IRAG2: variants seen among roughly 807,000 people sequenced by gnomAD.
IRAG2 encodes inositol 1,4,5-triphosphate receptor associated 2.
A neutral mutation model predicts 69.9 loss-of-function variants in IRAG2; 45 were observed. That is an observed-to-expected ratio of 0.64 (90% confidence interval 0.51 to 0.83). The LOEUF (loss-of-function observed/expected upper bound fraction) is 0.83, where lower values mean the gene tolerates loss of function less well. IRAG2 is among the 40% of genes least tolerant of loss of function. The pLI is 0.00. For missense variants in IRAG2, 520 were observed against 587.0 expected, an observed-to-expected ratio of 0.89 and a Z score of 1.18; for synonymous variants, 193 against 202.4, an observed-to-expected ratio of 0.95 and a Z score of 0.40.
chr12:25,031,515 T>C (rs1341434768), intron 10 of IRAG2, among the ~76,000 whole-genome samples: 1 of 152,238 alleles, frequency 6.6e-6, no homozygotes, highest in Non-Finnish European at 1.5e-5. Context: ...CTGATTTTTT[T>C]CTTTAACACA....
intron 12 of IRAG2, 30 bp downstream of exon 12, chr12:25,089,707 A>G (rs770037000): frequency 2.5e-6 from 4 of 1,609,632 alleles, no homozygotes; most frequent in South Asian, 1.1e-5. Flanking sequence ...GCATGTTAAC[A>G]TGTTTTATTT....
At chr12:25,036,354 G>A (rs1315443639) in intron 14 of IRAG2, among the ~76,000 whole-genome samples, 1 of 152,094 alleles carries the variant, frequency 6.6e-6, no homozygotes, top group Non-Finnish European at 1.5e-5. Context: ...GGTTTGTTCT[G>A]GAAAATGATT....
intron 5 of IRAG2, among the ~76,000 whole-genome samples, chr12:25,016,112 C>T (rs1278571971): frequency 6.6e-6 from 1 of 151,692 alleles, no homozygotes; most frequent in Non-Finnish European, 1.5e-5. Context: ...ACGAGAATGG[C>T]TTGAACCCGG....
chr12:25,041,672 GT>G (rs71063390), intron 16 of IRAG2, among the ~76,000 whole-genome samples: 31 of 134,946 alleles, frequency 2.3e-4, no homozygotes, highest in Middle Eastern at 3.8e-3. Context: ...GTTTTTTTTT[GT>G]TTTTTTTTTT....
intron 3 of IRAG2, among the ~76,000 whole-genome samples, chr12:25,014,207 C>T (rs1944502382): frequency 6.6e-6 from 1 of 151,376 alleles, no homozygotes; most frequent in Non-Finnish European, 1.5e-5. Flanking sequence ...TTTAATATTT[C>T]CAAAATATAT....
chr12:25,031,717 C>T (rs568466814), intron 10 of IRAG2, among the ~76,000 whole-genome samples: 1 of 152,166 alleles, frequency 6.6e-6, no homozygotes, highest in South Asian at 2.1e-4. Flanking sequence ...GGCGGGAGTG[C>T]AATGGCGTGA....
intron 6 of IRAG2, among the ~76,000 whole-genome samples, chr12:25,072,716 T>C (rs937350825): frequency 6.6e-6 from 1 of 152,202 alleles, no homozygotes; most frequent in Admixed American, 6.5e-5. Flanking sequence ...TCTACAGCCT[T>C]ATAACAAACA....
intron 9 of IRAG2, among the ~76,000 whole-genome samples, chr12:25,028,279 C>A (rs760970538): frequency 2.6e-4 from 40 of 152,178 alleles, no homozygotes; most frequent in Admixed American, 3.9e-4. Context: ...AAAGTGGCTG[C>A]ACCATTTTAC....
intron 13 of IRAG2, chr12:25,033,983 A>G: frequency 2.5e-6 from 1 of 398,922 alleles, no homozygotes. Context: ...GCTTTGAAAG[A>G]TAACTACCCC....
upstream of IRAG2, among the ~76,000 whole-genome samples, chr12:25,048,314 A>G (rs1303863058): frequency 6.6e-6 from 1 of 151,138 alleles, no homozygotes; most frequent in Non-Finnish European, 1.5e-5. Flanking sequence ...TTTTTTTGAG[A>G]CAGTCTCTCT....
rs77263664 is a variant in IRAG2 at position 25,063,856 on chromosome 12, G to A, written c.-207+40G>A. 8.1e-3 allele frequency: 3,231 copies of A among 398,902 alleles called. 38 individuals are homozygous for A. Among genetic ancestry groups the A allele is most frequent in the African/African-American group, 0.041 (1,991 of 48,718 alleles). The allele number at this position is 398,902 out of a possible 1,614,324, so 24.7% of individuals were successfully genotyped here. A position where few individuals can be genotyped will look rare whatever the true frequency, so the allele number is the denominator to read the frequency against. ...TATACCTGCTCAGACACAAGTAGGG[G>A]TAGAGTTCTATTTGAAAGGGAAAAT... On this transcript the variant is annotated intron_variant, in intron 4 of 21. Coordinates refer to ENST00000556887, the MANE Select transcript of IRAG2 (RefSeq NM_001366544.2).
chr12:25,003,662 C>T (rs568111313), upstream of IRAG2, among the ~76,000 whole-genome samples: 58 of 152,040 alleles, frequency 3.8e-4, no homozygotes, highest in Non-Finnish European at 7.5e-4. Flanking sequence ...CATTCTTTGA[C>T]TCAAATCTTA....
chr12:25,031,890 G>A (rs1227519520), intron 10 of IRAG2, among the ~76,000 whole-genome samples: 4 of 152,126 alleles, frequency 2.6e-5, no homozygotes, highest in East Asian at 3.9e-4. Flanking sequence ...TGGACCTCCC[G>A]ACCTCAGGTG....
At chr12:25,020,969 G>C (rs1944573828) in intron 7 of IRAG2, 2 of 829,528 alleles carry the variant, frequency 2.4e-6, no homozygotes, top group Non-Finnish European at 3.2e-6. Flanking sequence ...AAATATACAA[G>C]AGGACTTATC....
At chr12:25,076,361 T>G (rs765882624) in intron 6 of IRAG2, 1 of 942,934 alleles carries the variant, frequency 1.1e-6, no homozygotes, top group Non-Finnish European at 1.3e-6. Context: ...ATTGAAAGAC[T>G]TCTAACTACA....
chr12:25,053,593 A>C (rs1591947464), intron 1 of IRAG2, among the ~76,000 whole-genome samples: 1 of 152,278 alleles, frequency 6.6e-6, no homozygotes, highest in Non-Finnish European at 1.5e-5. Flanking sequence ...TTGTCACATT[A>C]CAGATGTCAG....
chr12:25,055,978 C>T (rs1008015812), intron 1 of IRAG2, among the ~76,000 whole-genome samples: 2 of 152,138 alleles, frequency 1.3e-5, no homozygotes, highest in African/African-American at 4.8e-5. Context: ...AGAGAATTAC[C>T]TTTAAGAATC....
chr12:25,103,771 T>C, intron 17 of IRAG2, 66 bp from the exon 18 acceptor site: 3 of 1,106,316 alleles, frequency 2.7e-6, no homozygotes, highest in Admixed American at 1.7e-5. Context: ...AGGATATTTA[T>C]TGGTGTTGCA....
chr12:25,017,717 C>CAA (rs144005949), intron 6 of IRAG2, among the ~76,000 whole-genome samples: 55 of 142,432 alleles, frequency 3.9e-4, no homozygotes, highest in Non-Finnish European at 4.6e-4. Context: ...GACTCTGTCT[C>CAA]AAAAAAAAAA....
Sources: gnomAD v4.1 joint callset for allele counts (sites outside exome capture counted in the v4.1 genomes callset) on GRCh38, gnomAD v4.1.1 for gene constraint, MANE v1.5 for transcripts, NCBI Gene and HGNC (gene_info 2026-07-23, HGNC 2026-07-21) for gene names.